BRF1: variants seen among roughly 807,000 people sequenced by gnomAD.
The protein encoded by BRF1 is transcription factor IIIB 90 kDa subunit.
BRF1 carries 59 observed loss-of-function variants against 81.7 expected under a neutral mutation model. The observed-to-expected ratio is 0.72, with a 90% CI of 0.59 to 0.90. The LOEUF is 0.90. BRF1 is among the 40% of genes least tolerant of loss of function. BRF1 has a pLI of 0.00. For synonymous variants in BRF1, 491 were observed against 395.6 expected (o/e 1.24, Z -2.86); for missense variants, 1,050 against 936.3 (o/e 1.12, Z -1.58).
chr14:105,224,119 C>T (rs1024554176), intron 10 of BRF1, among the ~76,000 whole-genome samples: 11 of 152,198 alleles, frequency 7.2e-5, no homozygotes, highest in Non-Finnish European at 1.5e-4. Flanking sequence ...CCTGTAATCC[C>T]GCACTTTGGC....
At chr14:105,215,752 C>G (rs1566797305) in intron 15 of BRF1, among the ~76,000 whole-genome samples, 1 of 147,920 alleles carries the variant, frequency 6.8e-6, no homozygotes, top group Non-Finnish European at 1.5e-5. Context: ...TACACAGACA[C>G]AGGCACATAC....
At chr14:105,211,811 T>C in intron 16 of BRF1, 2 of 490,128 alleles carry the variant, frequency 4.1e-6, no homozygotes, top group Non-Finnish European at 7.5e-6. Context: ...TGGCAGTGCC[T>C]GCTTCCTACA....
At chr14:105,246,736 C>A (rs900024934) in intron 5 of BRF1, 212 of 872,776 alleles carry the variant, frequency 2.4e-4, no homozygotes, top group Non-Finnish European at 2.9e-4. Flanking sequence ...GGATTACAGG[C>A]GTGAGCCACC....
At chr14:105,211,367 C>G (rs1890088020) in intron 16 of BRF1, 74 bp from the exon 17 acceptor site, 2 of 1,363,046 alleles carry the variant, frequency 1.5e-6, no homozygotes, top group Non-Finnish European at 9.7e-7. Context: ...TCAGACCCAC[C>G]AGGGCTGGCC....
At chr14:105,266,809 T>C (rs1402019141) in intron 3 of BRF1, among the ~76,000 whole-genome samples, 5 of 152,032 alleles carry the variant, frequency 3.3e-5, no homozygotes, top group South Asian at 2.1e-4. Flanking sequence ...TTTGGGAGAC[T>C]GAGGGAGGCA....
rs1892380378 is a variant in BRF1 at position 105,222,149 on chromosome 14, A to C, written c.1049-235T>G. 4 of 469,766 alleles carry C rather than the reference A, an allele frequency of 8.5e-6. No individual in the cohort carries two copies. The Admixed American group carries it at 1.3e-4, about 15-fold the overall frequency. 29.1% of individuals were successfully genotyped at this position (469,766 alleles called of 1,614,324 possible). A position where few individuals can be genotyped will look rare whatever the true frequency, so the allele number is the denominator to read the frequency against. On this transcript the variant is annotated intron_variant, in intron 10 of 17. Coordinates refer to ENST00000547530, the MANE Select transcript of BRF1 (RefSeq NM_001519.4). ...GAGTTAAAGTACAGACATTTCAGAC[A>C]AAAACGTAAAAGAAAAACTTTGTGA...
At chr14:105,228,952 G>A (rs201126610) in intron 6 of BRF1, 39 bp from the exon 7 acceptor site, 2 of 1,593,748 alleles carry the variant, frequency 1.3e-6, no homozygotes, top group African/African-American at 1.3e-5. Flanking sequence ...ACCACGGCTG[G>A]GAACCAGGGC....
rs1341978689 is a variant in BRF1 at position 105,300,802 on chromosome 14, G to A, written c.-173C>T. The A allele has an allele frequency of 3.8e-5, 12 of 312,316 alleles. No homozygotes were observed. The highest frequency in any genetic ancestry group is 5.9e-5 in the Admixed American group (1 of 17,070). 19.3% of individuals were successfully genotyped at this position (312,316 alleles called of 1,614,324 possible). A position where few individuals can be genotyped will look rare whatever the true frequency, so the allele number is the denominator to read the frequency against. On this transcript the variant is annotated 5_prime_UTR_variant, in exon 1 of 18. Transcript: ENST00000547530. Reference sequence around the variant, plus strand: ...GATTCGCCGCGCGCGCCCGGGCCGCGCCGCCCGCAACGGCCGCGCCCGCGG... The same window carrying A: ...GATTCGCCGCGCGCGCCCGGGCCGCACCGCCCGCAACGGCCGCGCCCGCGG...
At chr14:105,211,656 C>CA in intron 16 of BRF1, 1 of 356,626 alleles carries the variant, frequency 2.8e-6, no homozygotes, top group Non-Finnish European at 5.2e-6. Flanking sequence ...CCCCAGAACA[C>CA]AGACAGAGGC....
intron 7 of BRF1, chr14:105,228,142 G>A (rs2054133891): frequency 6.6e-6 from 1 of 152,206 alleles, no homozygotes; most frequent in African/African-American, 2.4e-5. Context: ...GGGGTCACCT[G>A]GGCTCTCAAA....
intron 17 of BRF1, 28 bp downstream of exon 17, chr14:105,211,093 AC>A: frequency 1.9e-6 from 3 of 1,604,148 alleles, no homozygotes; most frequent in South Asian, 1.1e-5. Flanking sequence ...TTTCCCTTGA[AC>A]CCCTCCCTGT....
chr14:105,299,970 G>A (rs2057919968), intron 1 of BRF1, among the ~76,000 whole-genome samples: 1 of 152,230 alleles, frequency 6.6e-6, no homozygotes, highest in Non-Finnish European at 1.5e-5. Flanking sequence ...CCACAGGCTG[G>A]GGTCCATCCC....
chr14:105,288,177 G>A (rs1318333976), intron 1 of BRF1, among the ~76,000 whole-genome samples: 3 of 152,242 alleles, frequency 2.0e-5, no homozygotes, highest in East Asian at 1.9e-4. Context: ...TAGAAGGTCC[G>A]GGCGCGGTGG....
chr14:105,226,454 C>T (rs992028216), intron 8 of BRF1, among the ~76,000 whole-genome samples, 164 bp from the exon 9 acceptor site: 1 of 152,236 alleles, frequency 6.6e-6, no homozygotes, highest in Non-Finnish European at 1.5e-5. Flanking sequence ...GAAGAGGTGG[C>T]ACTTCCCAGA....
At chr14:105,219,528 T>G in intron 12 of BRF1, 1 of 543,300 alleles carries the variant, frequency 1.8e-6, no homozygotes, top group Non-Finnish European at 3.2e-6. Flanking sequence ...GGCCACAGGT[T>G]CCCACAAAGG....
intron 1 of BRF1, among the ~76,000 whole-genome samples, chr14:105,289,202 G>C (rs947180981): frequency 6.6e-6 from 1 of 152,110 alleles, no homozygotes; most frequent in Non-Finnish European, 1.5e-5. Context: ...AATGAGCGGG[G>C]TATGGTAGGG....
upstream of BRF1, among the ~76,000 whole-genome samples, chr14:105,304,983 T>G (rs1431251567): frequency 6.6e-6 from 1 of 152,150 alleles, no homozygotes; most frequent in African/African-American, 2.4e-5. Flanking sequence ...AATCATATCA[T>G]GTGTGTTCCC....
intron 10 of BRF1, among the ~76,000 whole-genome samples, chr14:105,224,646 C>G (rs587708479): frequency 7.9e-5 from 12 of 152,318 alleles, no homozygotes; most frequent in African/African-American, 2.6e-4. Context: ...CTCCTGGGTT[C>G]AAGTGATCCT....
At chr14:105,245,454 G>A (rs975958081) in intron 5 of BRF1, among the ~76,000 whole-genome samples, 6 of 152,070 alleles carry the variant, frequency 3.9e-5, no homozygotes, top group Non-Finnish European at 8.8e-5. Flanking sequence ...ATTTAAAGTA[G>A]GCAAAGGGAC....
Sources: allele counts gnomAD v4.1 joint callset (sites outside exome capture counted in the v4.1 genomes callset), GRCh38; gene constraint gnomAD v4.1.1; transcripts MANE v1.5; gene names NCBI Gene and HGNC (gene_info 2026-07-23, HGNC 2026-07-21).